FLT1: variants seen among roughly 807,000 people sequenced by gnomAD.
FLT1 encodes vascular endothelial growth factor receptor 1.
In FLT1, 49 loss-of-function variants were observed where a neutral mutation model predicts 156.3. The observed-to-expected ratio is 0.31, with a 90% CI of 0.25 to 0.40. The LOEUF is 0.40. FLT1 is among the 10% of genes least tolerant of loss of function. The pLI, the probability that FLT1 is intolerant of heterozygous loss-of-function variation, is 1.00. For missense variants in FLT1, 1,322 were observed against 1,637.2 expected (o/e 0.81, Z 3.32); for synonymous variants, 594 against 583.8 (o/e 1.02, Z -0.25).
At chr13:28,422,345 G>C (rs538947550) in intron 10 of FLT1, among the ~76,000 whole-genome samples, 1 of 152,136 alleles carries the variant, frequency 6.6e-6, no homozygotes, top group South Asian at 2.1e-4. Context: ...AACTTAGTAC[G>C]TGGTACAACT....
intron 1 of FLT1, among the ~76,000 whole-genome samples, chr13:28,488,332 G>A (rs1881279643): frequency 1.3e-5 from 2 of 152,144 alleles, no homozygotes; most frequent in African/African-American, 4.8e-5. Flanking sequence ...CCTGGGAGGT[G>A]GAGGTGGCAG....
At chr13:28,422,508 T>G (rs1430956646) in intron 10 of FLT1, among the ~76,000 whole-genome samples, 1 of 152,154 alleles carries the variant, frequency 6.6e-6, no homozygotes, top group Non-Finnish European at 1.5e-5. Flanking sequence ...GCATTGAACC[T>G]CCCTAGAATA....
At position 28,301,169 on chromosome 13, in the gene FLT1, T is replaced by A. The variant is rs1477096950; in HGVS notation, c.*1998A>T. On this transcript the variant is annotated 3_prime_UTR_variant, in exon 30 of 30. Coordinates refer to ENST00000282397, the MANE Select transcript of FLT1 (RefSeq NM_002019.4). Reference sequence around the variant, plus strand: ...ACTATTTGCTGGGCTATTATCTGATTTGGAAAAAAAAAAAAAAGTAGAGAA... The same window carrying A: ...ACTATTTGCTGGGCTATTATCTGATATGGAAAAAAAAAAAAAAGTAGAGAA... 4.5e-6 allele frequency: 1 copy of A among 220,694 alleles called. No individual in the cohort carries two copies. The highest frequency in any genetic ancestry group is 8.6e-6 in the Non-Finnish European group (1 of 116,916). 13.7% of individuals were successfully genotyped at this position (220,694 alleles called of 1,614,324 possible). A position where few individuals can be genotyped will look rare whatever the true frequency, so the allele number is the denominator to read the frequency against.
Position 28,323,208 on chromosome 13 carries a change from T to C in FLT1, c.2797-262A>G, listed in dbSNP as rs562813402. Among the ~76,000 whole-genome samples the C allele has an allele frequency of 2.7e-3, 408 of 152,312 alleles. 1 individual carries two copies. The highest frequency in any genetic ancestry group is 9.3e-3 in the African/African-American group (387 of 41,562). ...AAAATTAAGAGTGGTGGGTATTTAC[T>C]GAATGCTTACTCTGTGTGAGCTGGT... On this transcript the variant is annotated intron_variant, in intron 20 of 29. Coordinates refer to ENST00000282397, the MANE Select transcript of FLT1 (RefSeq NM_002019.4).
intron 13 of FLT1, chr13:28,389,572 G>T: frequency 7.0e-7 from 1 of 1,438,152 alleles, no homozygotes. Flanking sequence ...TGGGGCCCGG[G>T]GGTCTCATTA....
At chr13:28,372,967 C>A (rs1285279178) in intron 14 of FLT1, among the ~76,000 whole-genome samples, 1 of 151,708 alleles carries the variant, frequency 6.6e-6, no homozygotes, top group African/African-American at 2.4e-5. Flanking sequence ...GGCAAAGAGC[C>A]ATTAAATGAA....
intron 25 of FLT1, among the ~76,000 whole-genome samples, chr13:28,313,916 TC>T (rs1871105272): frequency 9.0e-6 from 1 of 111,192 alleles, no homozygotes. Context: ...AAAAGAAGAA[TC>T]CGGGTGTGGT....
At chr13:28,379,514 G>A (rs1873985828) in intron 14 of FLT1, among the ~76,000 whole-genome samples, 4 of 152,122 alleles carry the variant, frequency 2.6e-5, no homozygotes, top group Non-Finnish European at 5.9e-5. Context: ...TAGTGCTAAC[G>A]AGCTGGATGG....
At chr13:28,461,320 C>G (rs1879565606) in intron 3 of FLT1, among the ~76,000 whole-genome samples, 1 of 152,142 alleles carries the variant, frequency 6.6e-6, no homozygotes, top group African/African-American at 2.4e-5. Context: ...ATTAAAACAA[C>G]AACTAGCTCG....
At chr13:28,390,848 T>G (rs1452747140) in intron 12 of FLT1, among the ~76,000 whole-genome samples, 2 of 152,168 alleles carry the variant, frequency 1.3e-5, no homozygotes, top group Admixed American at 6.5e-5. Flanking sequence ...TGCGAACAAG[T>G]GAGAATAGGA....
At position 28,327,568 on chromosome 13, in the gene FLT1, C is replaced by T. The variant is rs770939609; in HGVS notation, c.2708-18G>A. The T allele has an allele frequency of 1.9e-5, 29 of 1,535,180 alleles. No homozygotes were observed. The East Asian group carries it at 2.2e-4, about 12-fold the overall frequency. ...CAGAGGCCCTGCAGCCAAAACAGCACATGCTCATGCTCAGCCACACCAAGC... is the reference window on the plus strand; with the variant it reads ...CAGAGGCCCTGCAGCCAAAACAGCATATGCTCATGCTCAGCCACACCAAGC... On this transcript the variant is annotated intron_variant, in intron 19 of 29. Transcript: ENST00000282397.
rs1870458140 is a variant in FLT1 at position 28,300,490 on chromosome 13, T to G, written c.*2677A>C. The stretch of plus-strand genomic sequence containing the variant: ...AAGTAACTTTAAAATTCCAGTTTCC[T>G]TAAATAGTTATGCACAAAACACACA... On this transcript the variant is annotated 3_prime_UTR_variant, in exon 30 of 30. Coordinates refer to ENST00000282397, the MANE Select transcript of FLT1 (RefSeq NM_002019.4). 1 of 231,202 alleles carries G rather than the reference T, an allele frequency of 4.3e-6. No homozygotes were observed. The highest frequency in any genetic ancestry group is 8.5e-6 in the Non-Finnish European group (1 of 117,804). 14.3% of individuals were successfully genotyped at this position (231,202 alleles called of 1,614,324 possible). A position where few individuals can be genotyped will look rare whatever the true frequency, so the allele number is the denominator to read the frequency against.
chr13:28,324,267 A>G (rs1385187940), intron 20 of FLT1, among the ~76,000 whole-genome samples: 1 of 152,212 alleles, frequency 6.6e-6, no homozygotes, highest in Non-Finnish European at 1.5e-5. Flanking sequence ...GCAGAGAGGG[A>G]CTGGAGTTCA....
chr13:28,489,828 G>A (rs1160607056), intron 1 of FLT1, among the ~76,000 whole-genome samples: 1 of 152,146 alleles, frequency 6.6e-6, no homozygotes, highest in Non-Finnish European at 1.5e-5. Context: ...GATACCAAGT[G>A]CTCGTAAGGA....
chr13:28,311,452 ATCTT>A (rs371755470), intron 27 of FLT1, 134 bp downstream of exon 27: 400 of 804,344 alleles, frequency 5.0e-4, no homozygotes, highest in African/African-American at 3.9e-3. Flanking sequence ...GATCAACATA[ATCTT>A]TCTTTCTTTC....
chr13:28,473,830 GAAA>G lies in FLT1; in HGVS notation c.65-6216_65-6214del, dbSNP rs879626895. Among the ~76,000 whole-genome samples the G allele has an allele frequency of 5.9e-4, 73 of 122,824 alleles. 1 individual carries two copies. The highest frequency in any genetic ancestry group is 7.0e-4 in the Admixed American group (8 of 11,504). 80.6% of individuals were successfully genotyped at this position (122,824 alleles called of 152,430 possible). ...AGAAAGAAAGAAAGAAAGAAAGAAAGAAAGAAAGGAAGAAAGAAAGAAAGAAAG... is the reference window on the plus strand; with the variant it reads ...AGAAAGAAAGAAAGAAAGAAAGAAAGGAAAGGAAGAAAGAAAGAAAGAAAG... On this transcript the variant is annotated intron_variant, in intron 1 of 29. Transcript: ENST00000282397.
intron 16 of FLT1, among the ~76,000 whole-genome samples, chr13:28,340,212 C>A (rs1402522391): frequency 7.1e-6 from 1 of 139,948 alleles, no homozygotes; most frequent in Non-Finnish European, 1.5e-5. Flanking sequence ...GAGACTCTGT[C>A]TTAAAAAAAA....
chr13:28,456,463 G>A (rs1484955108), intron 3 of FLT1, among the ~76,000 whole-genome samples: 1 of 152,076 alleles, frequency 6.6e-6, no homozygotes, highest in Non-Finnish European at 1.5e-5. Flanking sequence ...CCAACTACAT[G>A]AATTCTGGAA....
At chr13:28,490,450 C>G (rs1282471409) in intron 1 of FLT1, among the ~76,000 whole-genome samples, 5 of 152,366 alleles carry the variant, frequency 3.3e-5, no homozygotes, top group Non-Finnish European at 7.3e-5. Flanking sequence ...GCCCCGTGAG[C>G]TAAGTCAGAG....
Sources: allele counts gnomAD v4.1 joint callset (sites outside exome capture counted in the v4.1 genomes callset), GRCh38; gene constraint gnomAD v4.1.1; transcripts MANE v1.5; gene names NCBI Gene and HGNC (gene_info 2026-07-23, HGNC 2026-07-21).